LACTB2: variants seen among roughly 807,000 people sequenced by gnomAD.
LACTB2 encodes endoribonuclease LACTB2.
In LACTB2, 32 loss-of-function variants were observed where a neutral mutation model predicts 34.8. That is an observed-to-expected ratio of 0.92 (90% CI 0.69 to 1.24). LACTB2 has a LOEUF of 1.24. Ranked by LOEUF, LACTB2 falls within the 50% of genes most tolerant of loss-of-function variation. The probability of loss-of-function intolerance (pLI) is 0.00; values close to 1 mark genes in which losing one functional copy is unlikely to be tolerated. For missense variants in LACTB2, 320 were observed against 345.0 expected (o/e 0.93, Z 0.57); for synonymous variants, 120 against 117.5 (o/e 1.02, Z -0.14).
At chr8:70,656,778 T>C (rs906528752) in intron 3 of LACTB2, among the ~76,000 whole-genome samples, 1 of 152,182 alleles carries the variant, frequency 6.6e-6, no homozygotes, top group Non-Finnish European at 1.5e-5. Flanking sequence ...GCCAGTATGG[T>C]CATTTTCACA....
chr8:70,660,913 G>C (rs766901525), intron 2 of LACTB2: 1 of 455,832 alleles, frequency 2.2e-6, no homozygotes, highest in South Asian at 1.5e-5. Flanking sequence ...GAGTAGCTGG[G>C]ACTGCAGGTG....
At position 70,639,876 on chromosome 8, in the gene LACTB2, C is replaced by T. The variant is rs189048722; in HGVS notation, c.741+1026G>A. Among the ~76,000 whole-genome samples, 974 of 152,158 alleles carry T rather than the reference C, an allele frequency of 6.4e-3. 11 individuals are homozygous for T. The highest frequency in any genetic ancestry group is 0.022 in the African/African-American group (929 of 41,518). The stretch of plus-strand genomic sequence containing the variant: ...ACTCGGGAGGCTGAGGCAGGAGAAT[C>T]GCGTGAACCCAGGAGGCAGAGGTTG... On this transcript the variant is annotated intron_variant, in intron 5 of 6. Coordinates refer to ENST00000276590, the MANE Select transcript of LACTB2 (RefSeq NM_016027.3).
chr8:70,666,235 A>G (rs1202514847), intron 1 of LACTB2, among the ~76,000 whole-genome samples: 1 of 152,228 alleles, frequency 6.6e-6, no homozygotes, highest in Non-Finnish European at 1.5e-5. Context: ...ATAGTGGGGT[A>G]TGAAGGTGTG....
chr8:70,641,156 A>G (rs1818192557), intron 4 of LACTB2, 106 bp from the exon 5 acceptor site: 1 of 1,028,614 alleles, frequency 9.7e-7, no homozygotes, highest in African/African-American at 1.7e-5. Context: ...ATATATTGAA[A>G]AAGCATACTA....
At chr8:70,653,439 A>C (rs980899825) in intron 3 of LACTB2, among the ~76,000 whole-genome samples, 2 of 152,190 alleles carry the variant, frequency 1.3e-5, no homozygotes, top group African/African-American at 4.8e-5. Flanking sequence ...TAGAAACTAC[A>C]TTTTGAAAAT....
At chr8:70,663,234 A>C (rs1818500967) in intron 1 of LACTB2, 1 of 152,234 alleles carries the variant, frequency 6.6e-6, no homozygotes, top group Non-Finnish European at 1.5e-5. Context: ...ATAAACAATA[A>C]AAGTAACATA....
chr8:70,642,259 C>G (rs1818207633), intron 4 of LACTB2, among the ~76,000 whole-genome samples: 1 of 152,038 alleles, frequency 6.6e-6, no homozygotes, highest in Non-Finnish European at 1.5e-5. Context: ...CAAACAAACC[C>G]CCCCAAAGCT....
intron 3 of LACTB2, among the ~76,000 whole-genome samples, chr8:70,647,252 T>C (rs76309240): frequency 0.069 from 10,441 of 151,664 alleles, 409 homozygotes; most frequent in Non-Finnish European, 0.078. Flanking sequence ...TATCTATATA[T>C]ATAATTTTTT....
At chr8:70,655,048 C>T (rs181864432) in intron 3 of LACTB2, among the ~76,000 whole-genome samples, 1 of 152,054 alleles carries the variant, frequency 6.6e-6, no homozygotes, top group Non-Finnish European at 1.5e-5. Context: ...ACCCTTCCCC[C>T]CAAGTCCCCA....
chr8:70,657,768 C>T lies in LACTB2; in HGVS notation c.401G>A (p.Gly134Glu). 2 of 1,612,048 alleles carry T rather than the reference C, an allele frequency of 1.2e-6. No homozygotes were observed. Among genetic ancestry groups the T allele is most frequent in the Non-Finnish European group, 8.5e-7 (1 of 1,178,846 alleles). Reference sequence around the variant, plus strand: ...GACATTTACTTACCTTAGAGTGGCTCCCTCAGTCTTAATCACATCTCCATC... The same window carrying T: ...GACATTTACTTACCTTAGAGTGGCTTCCTCAGTCTTAATCACATCTCCATC... Reference protein sequence around the residue: ...LKDGDVIKTEGATLRVLYTPG... With the variant: ...LKDGDVIKTEEATLRVLYTPG... Residue 134 changes from glycine (G) to glutamate (E), a missense_variant, in exon 3 of 7, where the codon GGA (glycine) becomes GAA (glutamate). Gly to Glu is a moderately conservative substitution (Grantham distance 98). Transcript: ENST00000276590.
At chr8:70,638,656 A>AT in intron 5 of LACTB2, 27 bp from the exon 6 acceptor site, 1 of 1,280,094 alleles carries the variant, frequency 7.8e-7, no homozygotes, top group Non-Finnish European at 1.0e-6. Context: ...GGTGAAAAAA[A>AT]TTCCTTTTTT....
At chr8:70,644,551 A>T (rs1818238575) in intron 3 of LACTB2, among the ~76,000 whole-genome samples, 1 of 152,196 alleles carries the variant, frequency 6.6e-6, no homozygotes, top group African/African-American at 2.4e-5. Context: ...AGGTCACTGC[A>T]GGCTCAATCT....
At position 70,657,825 on chromosome 8, in the gene LACTB2, C is replaced by G. The variant is rs995344066; in HGVS notation, c.344G>C (p.Gly115Ala). Reference sequence around the variant, plus strand: ...ATAAACATATTGTTGCTCTCCATTTCCTATAATTTCTTCTCTCTGAGGATT... The same window carrying G: ...ATAAACATATTGTTGCTCTCCATTTGCTATAATTTCTTCTCTCTGAGGATT... The part of the protein sequence containing the change: ...PRNPQREEII[G>A]NGEQQYVYLK... Residue 115 changes from glycine (G) to alanine (A), a missense_variant, in exon 3 of 7, where the codon GGA becomes GCA. Gly to Ala is a moderately conservative substitution (Grantham distance 60). Coordinates refer to ENST00000276590, the MANE Select transcript of LACTB2 (RefSeq NM_016027.3). 6.2e-7 allele frequency: 1 copy of G among 1,611,654 alleles called. No individual in the cohort carries two copies. Among genetic ancestry groups the G allele is most frequent in the Non-Finnish European group, 8.5e-7 (1 of 1,177,930 alleles).
intron 4 of LACTB2, among the ~76,000 whole-genome samples, chr8:70,642,001 C>A (rs1262585031): frequency 6.6e-6 from 1 of 152,098 alleles, no homozygotes; most frequent in Non-Finnish European, 1.5e-5. Flanking sequence ...GTGAGGATGA[C>A]AACTGTAAAG....
intron 3 of LACTB2, chr8:70,652,788 A>G (rs1818359395): frequency 6.6e-6 from 1 of 152,182 alleles, no homozygotes; most frequent in African/African-American, 2.4e-5. Flanking sequence ...TTATACTTTG[A>G]TAAGAAGTTT....
intron 1 of LACTB2, chr8:70,663,400 C>T (rs568881305): frequency 2.8e-4 from 43 of 152,272 alleles, no homozygotes; most frequent in African/African-American, 9.4e-4. Context: ...GCCTCATAGC[C>T]CATTGGCTTC....
chr8:70,658,434 A>G (rs1454195487), intron 2 of LACTB2, among the ~76,000 whole-genome samples: 1 of 152,202 alleles, frequency 6.6e-6, no homozygotes, highest in African/African-American at 2.4e-5. Flanking sequence ...CCAATTAACA[A>G]TTGAGTGCCA....
At chr8:70,668,878 C>T in intron 1 of LACTB2, 121 bp downstream of exon 1, 3 of 1,369,598 alleles carry the variant, frequency 2.2e-6, no homozygotes, top group South Asian at 1.4e-5. Context: ...CTGCTAGGCG[C>T]GGGGCTGCCC....
In LACTB2 at chr8:70,637,771, C is replaced by A. The variant is rs968048219; in HGVS notation, c.*89G>T. 2.8e-6 allele frequency: 2 copies of A among 712,266 alleles called. No individual in the cohort carries two copies. Among genetic ancestry groups the A allele is most frequent in the Admixed American group, 3.4e-5 (1 of 29,124 alleles). 44.1% of individuals were successfully genotyped at this position (712,266 alleles called of 1,614,324 possible). A position where few individuals can be genotyped will look rare whatever the true frequency, so the allele number is the denominator to read the frequency against. On this transcript the variant is annotated 3_prime_UTR_variant, in exon 7 of 7. Transcript: ENST00000276590. ...CTAGGGTTATTTTTAATGTTTTATA[C>A]TTTTATATTCTCTATAAAATAACCT... is the stretch of plus-strand genomic sequence containing the variant.
Sources: gnomAD v4.1 joint callset for allele counts (sites outside exome capture counted in the v4.1 genomes callset) on GRCh38, gnomAD v4.1.1 for gene constraint, MANE v1.5 for transcripts, NCBI Gene and HGNC (gene_info 2026-07-23, HGNC 2026-07-21) for gene names.